Variants in LINGO2 observed in about 807,000 individuals in gnomAD.
The protein encoded by LINGO2 is leucine-rich repeat and immunoglobulin-like domain-containing nogo receptor-interacting protein 2.
Under a neutral mutation model 30.6 loss-of-function variants are expected in LINGO2, and 14 were observed. The observed-to-expected ratio is 0.46, with a 90% CI of 0.30 to 0.72. The LOEUF is 0.72. Ranked by LOEUF, LINGO2 falls within the 30% of genes least tolerant of loss-of-function variation. The pLI is 0.07. For missense variants in LINGO2, 729 were observed against 751.7 expected (o/e 0.97, Z 0.35); for synonymous variants, 317 against 288.5 (o/e 1.10, Z -1.00).
intron 2 of LINGO2, among the ~76,000 whole-genome samples, chr9:28,397,163 T>C (rs1453581897): frequency 2.0e-5 from 3 of 152,102 alleles, no homozygotes; most frequent in Admixed American, 6.5e-5. Flanking sequence ...ACTTGGCATG[T>C]AATGAGTCTT....
the LINGO2 span, among the ~76,000 whole-genome samples, chr9:29,099,880 G>A: frequency 6.6e-6 from 1 of 152,050 alleles, no homozygotes; most frequent in African/African-American, 2.4e-5. Context: ...CCACTGCTAG[G>A]TATATACGCC....
At chr9:28,052,481 T>A (rs559822582) in intron 4 of LINGO2, among the ~76,000 whole-genome samples, 2 of 152,158 alleles carry the variant, frequency 1.3e-5, no homozygotes, top group Admixed American at 1.3e-4. Flanking sequence ...ATTGGGAACA[T>A]CATTTCCCAG....
the LINGO2 span, among the ~76,000 whole-genome samples, chr9:28,697,791 AC>A: frequency 2.0e-5 from 3 of 151,866 alleles, no homozygotes; most frequent in Non-Finnish European, 4.4e-5. Context: ...AGCTCAAAAA[AC>A]CCCAGGGCGC....
rs1243449591 is a variant in LINGO2, at chr9:28,147,403, T to A, written c.-86-134998A>T. ...GTGGTAAGAGGCGCATCCAGTCAGG[T>A]CAGGGCACCGCGTTCTCTCTTTGGA... On this transcript the variant is annotated intron_variant, in intron 4 of 5. Coordinates refer to ENST00000379992, the Ensembl canonical transcript of LINGO2. This position sits in a 1 kb window ranked among gnomAD's most constrained non-coding sequence, Gnocchi z 4.7. Among the ~76,000 whole-genome samples the A allele has an allele frequency of 1.3e-5, 2 of 152,160 alleles. No homozygotes were observed. The highest frequency in any genetic ancestry group is 2.9e-5 in the Non-Finnish European group (2 of 68,024).
chr9:27,981,698 T>A (rs915608859), intron 5 of LINGO2, among the ~76,000 whole-genome samples: 2 of 151,560 alleles, frequency 1.3e-5, no homozygotes, highest in African/African-American at 4.8e-5. Flanking sequence ...CCATCTAGAT[T>A]AGTGAAGGTC....
At position 28,329,847 on chromosome 9, in the gene LINGO2, C is replaced by T. The variant is rs955155587; in HGVS notation, c.-245-34481G>A. 6.6e-6 allele frequency among the ~76,000 whole-genome samples: 1 copy of T among 152,144 alleles called. No individual in the cohort carries two copies. The highest frequency in any genetic ancestry group is 1.9e-4 in the East Asian group (1 of 5,186). On this transcript the variant is annotated intron_variant, in intron 3 of 5. Transcript: ENST00000379992. The surrounding 1 kb of genome is among the most constrained non-coding windows in gnomAD (Gnocchi z 4.5). ...CCTTGTGCATATCTCTATGAAAGCA[C>T]CTCACCTGTGTATAGCTCTATGAAA...
At chr9:28,514,802 GT>G (rs894539199) in intron 1 of LINGO2, among the ~76,000 whole-genome samples, 4 of 152,136 alleles carry the variant, frequency 2.6e-5, no homozygotes, top group African/African-American at 9.7e-5. Context: ...GATTTTCAAT[GT>G]AGACAAAATA....
At chr9:28,236,837 G>A (rs1456613587) in intron 4 of LINGO2, among the ~76,000 whole-genome samples, 1 of 151,948 alleles carries the variant, frequency 6.6e-6, no homozygotes, top group African/African-American at 2.4e-5. Flanking sequence ...AGCACATCAG[G>A]GGAACTATAG....
At chr9:29,102,207 G>A in the LINGO2 span, among the ~76,000 whole-genome samples, 4 of 151,768 alleles carry the variant, frequency 2.6e-5, no homozygotes, top group African/African-American at 7.2e-5. Context: ...TCAGCCTCCC[G>A]AGTAGCTGGG....
chr9:28,699,590 C>A, the LINGO2 span, among the ~76,000 whole-genome samples: 2 of 152,092 alleles, frequency 1.3e-5, no homozygotes, highest in East Asian at 3.9e-4. Flanking sequence ...CAAGGGAAGA[C>A]AACCATAAGG....
At chr9:28,703,780 C>G in the LINGO2 span, among the ~76,000 whole-genome samples, 1 of 151,960 alleles carries the variant, frequency 6.6e-6, no homozygotes, top group African/African-American at 2.4e-5. Flanking sequence ...ACAGTTACAA[C>G]TAATTCAAGT....
chr9:29,063,749 C>T, the LINGO2 span, among the ~76,000 whole-genome samples: 3 of 152,086 alleles, frequency 2.0e-5, no homozygotes, highest in Admixed American at 1.3e-4. Flanking sequence ...CATCTTTCTC[C>T]GTTACAAGGT....
chr9:28,124,707 G>A (rs1302004339), intron 4 of LINGO2, among the ~76,000 whole-genome samples: 1 of 152,190 alleles, frequency 6.6e-6, no homozygotes, highest in Admixed American at 6.5e-5. Flanking sequence ...TATCAAGGCA[G>A]CTGCTAGCAT....
the LINGO2 span, among the ~76,000 whole-genome samples, chr9:28,766,487 T>C: frequency 1.3e-5 from 2 of 150,068 alleles, no homozygotes; most frequent in African/African-American, 2.4e-5. Flanking sequence ...GGAAAGGTAA[T>C]TTAGTATAGC....
chr9:28,227,632 TAA>T (rs11312927), intron 4 of LINGO2, among the ~76,000 whole-genome samples: 15 of 150,054 alleles, frequency 1.0e-4, no homozygotes, highest in African/African-American at 2.7e-4. Context: ...ACTCAGCAAT[TAA>T]AAAAAAAAAG....
chr9:28,348,586 T>C (rs1335711300), intron 3 of LINGO2, among the ~76,000 whole-genome samples: 2 of 152,154 alleles, frequency 1.3e-5, no homozygotes, highest in African/African-American at 4.8e-5. Context: ...GCGCCCACCA[T>C]TGCCCAGGCT....
intron 5 of LINGO2, among the ~76,000 whole-genome samples, chr9:28,009,140 AGTT>A (rs1158558283): frequency 3.3e-4 from 2 of 5,986 alleles, no homozygotes; most frequent in Non-Finnish European, 1.9e-3. Flanking sequence ...CAAAGGGAAA[AGTT>A]TTTTTTTTTT....
chr9:28,858,704 T>C, the LINGO2 span, among the ~76,000 whole-genome samples: 2 of 152,070 alleles, frequency 1.3e-5, no homozygotes, highest in Non-Finnish European at 2.9e-5. Context: ...ACTTGACATA[T>C]CTGTTTAGAG....
chr9:28,052,659 C>A lies in LINGO2; in HGVS notation c.-86-40254G>T, dbSNP rs181769248. ...AGATGAAACCAGCAAATCCTAAGAA[C>A]CTGTGCTGTTCATTCCTAAGCTTTC... On this transcript the variant is annotated intron_variant, in intron 4 of 5. Transcript: ENST00000379992. 4.1e-3 allele frequency among the ~76,000 whole-genome samples: 629 copies of A among 152,180 alleles called. 10 individuals are homozygous for A. The highest frequency in any genetic ancestry group is 3.8e-3 in the Non-Finnish European group (257 of 67,998).
Sources: gnomAD v4.1 joint callset for allele counts (sites outside exome capture counted in the v4.1 genomes callset) on GRCh38, gnomAD v4.1.1 for gene constraint, Gnocchi (gnomAD v3.1) non-coding constraint, MANE v1.5 for transcripts, NCBI Gene and HGNC (gene_info 2026-07-23, HGNC 2026-07-21) for gene names.